Variants in GATC observed in about 807,000 individuals in gnomAD.
GATC encodes glutamyl-tRNA(Gln) amidotransferase subunit C, mitochondrial.
In GATC, 11 loss-of-function variants were observed where a neutral mutation model predicts 14.4. The observed-to-expected ratio is 0.77, with a 90% CI of 0.48 to 1.27. GATC has a LOEUF of 1.27. GATC is among the 50% of genes most tolerant of loss of function. The pLI is 0.00. For missense variants in GATC, 204 were observed against 183.0 expected (o/e 1.11, Z -0.66); for synonymous variants, 76 against 79.3 (o/e 0.96, Z 0.22).
Position 120,458,325 on chromosome 12 carries a change from C to T in GATC, c.358+1146C>T, listed in dbSNP as rs113258756. On this transcript the variant is annotated intron_variant, in intron 3 of 3. Transcript: ENST00000551765. ...AGGCTAGTCTTGAACTGGTGATCTA[C>T]CCGCCTCAGCCTCCCAAAGTGCTGG... Among the ~76,000 whole-genome samples, 139 of 152,044 alleles carry T rather than the reference C, an allele frequency of 9.1e-4. 2 individuals are homozygous for T. Among genetic ancestry groups the T allele is most frequent in the African/African-American group, 3.2e-3 (132 of 41,468 alleles).
intron 2 of GATC, among the ~76,000 whole-genome samples, chr12:120,447,404 A>T (rs1404706055): frequency 1.3e-5 from 2 of 151,972 alleles, no homozygotes; most frequent in Admixed American, 6.6e-5. Flanking sequence ...CCTACTCCAT[A>T]GAGTCCCTAC....
In GATC at chr12:120,451,876, T is replaced by TTTTTTTTTTTTTC. The variant is rs1555219527; in HGVS notation, c.254+5059_254+5060insCTTTTTTTTTTTT. 1.6e-3 allele frequency among the ~76,000 whole-genome samples: 168 copies of TTTTTTTTTTTTTC among 105,712 alleles called. 3 individuals carry two copies. The highest frequency in any genetic ancestry group is 2.6e-3 in the Non-Finnish European group (136 of 52,890). The allele number at this position is 105,712 out of a possible 152,430, so 69.4% of individuals were successfully genotyped here. A position where few individuals can be genotyped will look rare whatever the true frequency, so the allele number is the denominator to read the frequency against. On this transcript the variant is annotated intron_variant, in intron 2 of 3. Coordinates refer to ENST00000551765, the MANE Select transcript of GATC (RefSeq NM_176818.3). ...AGGGGCTAATAAATTATATAAATTCTTTTTTTTTTTTTTTTTTTTGAGCTG... is the reference window on the plus strand; with the variant it reads ...AGGGGCTAATAAATTATATAAATTCTTTTTTTTTTTTTCTTTTTTTTTTTTTTTTTTTGAGCTG...
In GATC at chr12:120,453,403, C is replaced by T. The variant is rs186618840; in HGVS notation, c.255-3673C>T. On this transcript the variant is annotated intron_variant, in intron 2 of 3. Transcript: ENST00000551765. ...TCAAGTGACTTTTTTTCAGTTCTCCCAAGGACAGTATATGACAAATGTTAG... is the reference window on the plus strand; with the variant it reads ...TCAAGTGACTTTTTTTCAGTTCTCCTAAGGACAGTATATGACAAATGTTAG... 2.0e-5 allele frequency among the ~76,000 whole-genome samples: 3 copies of T among 152,248 alleles called. No individual in the cohort carries two copies. In the East Asian group the frequency reaches 5.8e-4, roughly 29 times the overall value.
In GATC at chr12:120,460,184, C is replaced by G; in HGVS notation, c.*225C>G. 2.1e-6 allele frequency: 1 copy of G among 472,616 alleles called. No individual in the cohort carries two copies. Among genetic ancestry groups the G allele is most frequent in the Non-Finnish European group, 3.9e-6 (1 of 254,168 alleles). The allele number at this position is 472,616 out of a possible 1,614,324, so 29.3% of individuals were successfully genotyped here. A position where few individuals can be genotyped will look rare whatever the true frequency, so the allele number is the denominator to read the frequency against. ...ACTGAGGTGAAAGAAAAGCAAAAGT[C>G]AGCTTCCAAGGAATTCACTTAACAG... On this transcript the variant is annotated 3_prime_UTR_variant, in exon 4 of 4. Coordinates refer to ENST00000551765, the MANE Select transcript of GATC (RefSeq NM_176818.3).
rs1877875088 is a variant in GATC, at chr12:120,446,658, G to T, written c.83G>T (p.Gly28Val). ...CTCCCCGCCTCATCCCTCCTCCAGG[G>T]CAGTGGCCGGATCACGGCTGCGGTG... ...QGFTSKADPQ[G>V]SGRITAAVIE... The change falls in exon 2 of 4, where the codon GGC becomes GTC. Residue 28 changes from glycine (G) to valine (V), a missense_variant and splice_region_variant. Gly to Val is a moderately radical substitution (Grantham distance 109). Coordinates refer to ENST00000551765, the MANE Select transcript of GATC (RefSeq NM_176818.3). 3 of 1,610,678 alleles carry T rather than the reference G, an allele frequency of 1.9e-6. No homozygotes were observed. The highest frequency in any genetic ancestry group is 1.7e-6 in the Non-Finnish European group (2 of 1,178,486).
Position 120,451,875 on chromosome 12 carries a change from C to CTTTTT in GATC, c.254+5062_254+5066dup, listed in dbSNP as rs1170221029. 3.5e-4 allele frequency among the ~76,000 whole-genome samples: 32 copies of CTTTTT among 90,832 alleles called. 1 individual carries two copies. Among genetic ancestry groups the CTTTTT allele is most frequent in the Non-Finnish European group, 5.4e-4 (24 of 44,196 alleles). 59.6% of individuals were successfully genotyped at this position (90,832 alleles called of 152,430 possible). ...CAGGGGCTAATAAATTATATAAATT[C>CTTTTT]TTTTTTTTTTTTTTTTTTTTGAGCT... On this transcript the variant is annotated intron_variant, in intron 2 of 3. Transcript: ENST00000551765.
intron 3 of GATC, among the ~76,000 whole-genome samples, chr12:120,459,538 G>A (rs1327597245): frequency 1.3e-5 from 2 of 152,288 alleles, no homozygotes; most frequent in East Asian, 3.9e-4. Context: ...AGTAGAGCCA[G>A]CTGGGCGGCA....
Position 120,462,222 on chromosome 12 carries a change from A to C in GATC, c.*2263A>C. The stretch of plus-strand genomic sequence containing the variant: ...GAAAAAAATCAGAGCCAGAAGAATA[A>C]GCAAACCAACATCTAACAATAATAG... On this transcript the variant is annotated 3_prime_UTR_variant, in exon 4 of 4. Transcript: ENST00000551765. 6.5e-7 allele frequency: 1 copy of C among 1,531,166 alleles called. No homozygotes were observed. The highest frequency in any genetic ancestry group is 8.9e-7 in the Non-Finnish European group (1 of 1,129,890). The allele number at this position is 1,531,166 out of a possible 1,614,324, so 94.8% of individuals were successfully genotyped here. A position where few individuals can be genotyped will look rare whatever the true frequency, so the allele number is the denominator to read the frequency against.
chr12:120,446,476 A>T lies in GATC; in HGVS notation c.-5A>T. On this transcript the variant is annotated 5_prime_UTR_variant, in exon 1 of 4. Coordinates refer to ENST00000551765, the MANE Select transcript of GATC (RefSeq NM_176818.3). ...GGCGCACTGCGGGGGCCAAGGAAGGAAGAAATGTGGTCGCGGTTGGTGTGG... is the reference window on the plus strand; with the variant it reads ...GGCGCACTGCGGGGGCCAAGGAAGGTAGAAATGTGGTCGCGGTTGGTGTGG... 1.2e-6 allele frequency: 2 copies of T among 1,607,326 alleles called. No individual in the cohort carries two copies. The highest frequency in any genetic ancestry group is 1.7e-6 in the Non-Finnish European group (2 of 1,175,708).
At chr12:120,453,940 C>T (rs76028210) in intron 2 of GATC, among the ~76,000 whole-genome samples, 2,841 of 152,004 alleles carry the variant, frequency 0.019, 89 homozygotes, top group African/African-American at 0.065. Context: ...TATGTATGTA[C>T]ATACATACAT....
In GATC at chr12:120,458,720, T is replaced by A. The variant is rs1233439627; in HGVS notation, c.359-1187T>A. ...TCAGGTAGCCTGCTAAGTGCCAACT[T>A]CCAGTTCAGGATATCCTGAGGGAGA... On this transcript the variant is annotated intron_variant, in intron 3 of 3. Coordinates refer to ENST00000551765, the MANE Select transcript of GATC (RefSeq NM_176818.3). Among the ~76,000 whole-genome samples, 3 of 152,112 alleles carry A rather than the reference T, an allele frequency of 2.0e-5. No individual in the cohort carries two copies. The East Asian group carries it at 5.8e-4, about 29-fold the overall frequency.
chr12:120,446,638 C>G lies in GATC; in HGVS notation c.82-19C>G. The G allele has an allele frequency of 6.2e-7, 1 of 1,602,684 alleles. No homozygotes were observed. The highest frequency in any genetic ancestry group is 8.5e-7 in the Non-Finnish European group (1 of 1,173,830). ...CGGAGCGCCGGTGACCCACACTCCC[C>G]GCCTCATCCCTCCTCCAGGGCAGTG... On this transcript the variant is annotated intron_variant, in intron 1 of 3. Transcript: ENST00000551765.
rs1348291783 is a variant in GATC, at chr12:120,460,846, A to T, written c.*887A>T. ...CGGTGAAACCTCATCTCTACTAAAAATACAAAAAATTAGCTGGGTGTGATG... is the reference window on the plus strand; with the variant it reads ...CGGTGAAACCTCATCTCTACTAAAATTACAAAAAATTAGCTGGGTGTGATG... On this transcript the variant is annotated 3_prime_UTR_variant, in exon 4 of 4. Coordinates refer to ENST00000551765, the MANE Select transcript of GATC (RefSeq NM_176818.3). 1 of 152,108 alleles carries T rather than the reference A, an allele frequency of 6.6e-6. No homozygotes were observed. The highest frequency in any genetic ancestry group is 1.5e-5 in the Non-Finnish European group (1 of 68,040). The allele number at this position is 152,108 out of a possible 1,614,324, so 9.4% of individuals were successfully genotyped here. A position where few individuals can be genotyped will look rare whatever the true frequency, so the allele number is the denominator to read the frequency against.
At chr12:120,455,012 C>T (rs1160804787) in intron 2 of GATC, 1 of 451,258 alleles carries the variant, frequency 2.2e-6, no homozygotes, top group Non-Finnish European at 4.4e-6. Context: ...CTCAGCCTCC[C>T]AGGTAGCTGG....
At chr12:120,458,836 A>G (rs1322020931) in intron 3 of GATC, among the ~76,000 whole-genome samples, 1 of 152,184 alleles carries the variant, frequency 6.6e-6, no homozygotes, top group East Asian at 1.9e-4. Context: ...AAGGATGGGA[A>G]AGAAAGCTAG....
At position 120,462,692 on chromosome 12, in the gene GATC, A is replaced by G. The variant is rs1878384333; in HGVS notation, c.*2733A>G. ...GTGCTATTATGTGACCATTTTGCCC[A>G]TGAAGGAATCGAGGTCCCAAGAGTA... On this transcript the variant is annotated 3_prime_UTR_variant, in exon 4 of 4. Coordinates refer to ENST00000551765, the MANE Select transcript of GATC (RefSeq NM_176818.3). 6.6e-6 allele frequency: 1 copy of G among 152,318 alleles called. No individual in the cohort carries two copies. Among genetic ancestry groups the G allele is most frequent in the Admixed American group, 6.5e-5 (1 of 15,284 alleles). 9.4% of individuals were successfully genotyped at this position (152,318 alleles called of 1,614,324 possible). A position where few individuals can be genotyped will look rare whatever the true frequency, so the allele number is the denominator to read the frequency against.
intron 2 of GATC, among the ~76,000 whole-genome samples, chr12:120,455,232 C>T (rs923735473): frequency 6.6e-6 from 1 of 150,894 alleles, no homozygotes; most frequent in Non-Finnish European, 1.5e-5. Context: ...GCAGTGGTGC[C>T]ATCTCAGCTC....
At chr12:120,453,257 G>C (rs1270848018) in intron 2 of GATC, among the ~76,000 whole-genome samples, 2 of 152,300 alleles carry the variant, frequency 1.3e-5, no homozygotes, top group South Asian at 2.1e-4. Context: ...TGCCACCGTA[G>C]CAGCATTTCT....
In GATC at chr12:120,455,402, C is replaced by CA. The variant is rs1878156510; in HGVS notation, c.255-1673dup. On this transcript the variant is annotated intron_variant, in intron 2 of 3. Transcript: ENST00000551765. ...CAGGCTGGTCTTGAACTCCTGAATT[C>CA]AGGTGATCCACCCGCCTTAGCCTTC... is the stretch of plus-strand genomic sequence containing the variant. 2.6e-5 allele frequency among the ~76,000 whole-genome samples: 4 copies of CA among 152,124 alleles called. No homozygotes were observed. In the South Asian group the frequency reaches 8.3e-4, roughly 32 times the overall value.
Sources: gnomAD v4.1 joint callset for allele counts (sites outside exome capture counted in the v4.1 genomes callset) on GRCh38, gnomAD v4.1.1 for gene constraint, MANE v1.5 for transcripts, NCBI Gene and HGNC (gene_info 2026-07-23, HGNC 2026-07-21) for gene names.